The following GSDME variants were observed in gnomAD, a reference collection of about 807,000 sequenced individuals.
GSDME encodes gasdermin E.
GSDME carries 44 observed loss-of-function variants against 47.5 expected under a neutral mutation model. The ratio of observed to expected loss-of-function variants is 0.93; its 90% CI spans 0.73 to 1.19. GSDME has a LOEUF of 1.19. Among genes scored for constraint, GSDME ranks in the 50% most tolerant of loss-of-function variants. The pLI is 0.00. For synonymous variants in GSDME, 258 were observed against 252.8 expected (o/e 1.02, Z -0.20); for missense variants, 663 against 604.2 (o/e 1.10, Z -1.02).
At position 24,712,208 on chromosome 7, in the gene GSDME, C is replaced by T. The variant is rs1284284991; in HGVS notation, c.698-1820G>A. Among the ~76,000 whole-genome samples, 1 of 152,228 alleles carries T rather than the reference C, an allele frequency of 6.6e-6. No individual in the cohort carries two copies. The highest frequency in any genetic ancestry group is 2.4e-5 in the African/African-American group (1 of 41,440). On this transcript the variant is annotated intron_variant, in intron 5 of 9. Coordinates refer to ENST00000645220, the MANE Select transcript of GSDME (RefSeq NM_001127453.2). This position sits in a 1 kb window ranked among gnomAD's most constrained non-coding sequence, Gnocchi z 4.4. ...TGGCCCACACCAGCATTCAGGCTGACCCTACTCCTCCACACTTTGCGCTTA... is the reference window on the plus strand; with the variant it reads ...TGGCCCACACCAGCATTCAGGCTGATCCTACTCCTCCACACTTTGCGCTTA...
At chr7:24,741,783 A>G (rs1053422825) in intron 3 of GSDME, among the ~76,000 whole-genome samples, 2 of 152,182 alleles carry the variant, frequency 1.3e-5, no homozygotes, top group African/African-American at 4.8e-5. Flanking sequence ...GTCCAGAGAC[A>G]GGCAGACAAC....
In GSDME at chr7:24,708,118, A is replaced by G. The variant is rs771911183; in HGVS notation, c.990+9T>C. ...TGAAAACACTGCCTTGAGATGTCTCAGGGCTCACCACTGGTTCCAGGACCA... is the reference window on the plus strand; with the variant it reads ...TGAAAACACTGCCTTGAGATGTCTCGGGGCTCACCACTGGTTCCAGGACCA... On this transcript the variant is annotated intron_variant, in intron 7 of 9. Transcript: ENST00000645220. 56 of 1,614,036 alleles carry G rather than the reference A, an allele frequency of 3.5e-5. No individual in the cohort carries two copies. Among genetic ancestry groups the G allele is most frequent in the Non-Finnish European group, 4.2e-5 (50 of 1,180,016 alleles).
At chr7:24,722,710 G>T (rs1056032910) in intron 3 of GSDME, among the ~76,000 whole-genome samples, 1 of 152,174 alleles carries the variant, frequency 6.6e-6, no homozygotes, top group Non-Finnish European at 1.5e-5. Flanking sequence ...TGTTTGAAAA[G>T]AAAAAGCTCA....
the GSDME span, among the ~76,000 whole-genome samples, chr7:24,794,116 GT>G: frequency 6.6e-6 from 1 of 151,130 alleles, no homozygotes; most frequent in Non-Finnish European, 1.5e-5. Flanking sequence ...AGTGTACACT[GT>G]TTTTTTCTTA....
At chr7:24,731,905 T>G (rs1344712166) in intron 3 of GSDME, among the ~76,000 whole-genome samples, 1 of 152,148 alleles carries the variant, frequency 6.6e-6, no homozygotes, top group Admixed American at 6.5e-5. Flanking sequence ...CACCACAAAT[T>G]GTTTTGATTT....
At chr7:24,701,982 C>G (rs577793318) in intron 9 of GSDME, among the ~76,000 whole-genome samples, 25 of 152,342 alleles carry the variant, frequency 1.6e-4, no homozygotes, top group African/African-American at 6.0e-4. Flanking sequence ...CCAGATCTGA[C>G]AGCAGAGCTC....
At chr7:24,770,715 C>T in the GSDME span, among the ~76,000 whole-genome samples, 3 of 151,028 alleles carry the variant, frequency 2.0e-5, no homozygotes, top group Admixed American at 2.0e-4. The surrounding 1 kb of genome is among the most constrained non-coding windows in gnomAD (Gnocchi z 4.6). Context: ...TATGAAAGAA[C>T]CAAAAAATGC....
intron 5 of GSDME, among the ~76,000 whole-genome samples, chr7:24,713,691 C>T (rs1047761387): frequency 1.3e-5 from 2 of 152,236 alleles, no homozygotes; most frequent in Non-Finnish European, 2.9e-5. Context: ...AGACTGCATT[C>T]TTGGGACAAA....
chr7:24,782,132 A>G, the GSDME span, among the ~76,000 whole-genome samples: 1 of 149,182 alleles, frequency 6.7e-6, no homozygotes, highest in South Asian at 2.1e-4. Context: ...TTTGTTACAT[A>G]TGTTTACATG....
chr7:24,712,705 G>A lies in GSDME; in HGVS notation c.698-2317C>T, dbSNP rs772844320. Among the ~76,000 whole-genome samples, 2 of 152,100 alleles carry A rather than the reference G, an allele frequency of 1.3e-5. No homozygotes were observed. The highest frequency in any genetic ancestry group is 2.9e-5 in the Non-Finnish European group (2 of 68,024). ...TGCTCATCCTAGGTTCATGGCTGAGGCCCCTATCACAACAGACAGATTAAC... is the reference window on the plus strand; with the variant it reads ...TGCTCATCCTAGGTTCATGGCTGAGACCCCTATCACAACAGACAGATTAAC... On this transcript the variant is annotated intron_variant, in intron 5 of 9. Transcript: ENST00000645220. The surrounding 1 kb of genome is among the most constrained non-coding windows in gnomAD (Gnocchi z 4.4).
At chr7:24,704,864 T>G (rs951337774) in intron 8 of GSDME, 12 of 152,150 alleles carry the variant, frequency 7.9e-5, no homozygotes, top group Admixed American at 6.5e-4. Context: ...GCTAATTTAT[T>G]TTTTGTACAG....
rs149237409 is a variant in GSDME at position 24,707,463 on chromosome 7, C to G, written c.990+664G>C. ...ACAGTGCAAAAGCCTATTTATTTCTCTGTTCTAAATGGAACAGGCTGACTT... is the reference window on the plus strand; with the variant it reads ...ACAGTGCAAAAGCCTATTTATTTCTGTGTTCTAAATGGAACAGGCTGACTT... On this transcript the variant is annotated intron_variant, in intron 7 of 9. Transcript: ENST00000645220. The G allele has an allele frequency of 3.3e-4, 154 of 471,274 alleles. No homozygotes were observed. The East Asian group carries it at 9.0e-3, about 28-fold the overall frequency. The allele number at this position is 471,274 out of a possible 1,614,324, so 29.2% of individuals were successfully genotyped here.
chr7:24,708,701 A>T (rs17209487), intron 6 of GSDME, among the ~76,000 whole-genome samples: 5,830 of 152,266 alleles, frequency 0.038, 154 homozygotes, highest in Non-Finnish European at 0.057. Context: ...AGTACATTGC[A>T]GATTTTCTAT....
chr7:24,783,159 T>C, the GSDME span, among the ~76,000 whole-genome samples: 1 of 152,206 alleles, frequency 6.6e-6, no homozygotes, highest in Non-Finnish European at 1.5e-5. Flanking sequence ...TGTCTTAATA[T>C]TTTTTATGGA....
chr7:24,759,953 C>T (rs1791142524), upstream of GSDME, among the ~76,000 whole-genome samples: 1 of 152,144 alleles, frequency 6.6e-6, no homozygotes, highest in Non-Finnish European at 1.5e-5. Flanking sequence ...AACATGGAAA[C>T]TTTTAGCCCA....
chr7:24,785,441 T>C, the GSDME span, among the ~76,000 whole-genome samples: 5 of 152,206 alleles, frequency 3.3e-5, no homozygotes, highest in African/African-American at 1.2e-4. Flanking sequence ...ATTTAGTCCA[T>C]AATTCACTTT....
At chr7:24,774,324 C>T in the GSDME span, among the ~76,000 whole-genome samples, 1 of 94,166 alleles carries the variant, frequency 1.1e-5, no homozygotes, top group Non-Finnish European at 2.1e-5. Flanking sequence ...TTCCTTCTTC[C>T]CTCCCTCCCT....
At chr7:24,707,465 G>A (rs1350620575) in intron 7 of GSDME, 2 of 470,538 alleles carry the variant, frequency 4.3e-6, no homozygotes, top group Non-Finnish European at 8.8e-6. Flanking sequence ...TTATTTCTCT[G>A]TTCTAAATGG....
intron 7 of GSDME, chr7:24,707,813 A>C (rs1203798763): frequency 9.3e-6 from 5 of 535,508 alleles, no homozygotes; most frequent in Non-Finnish European, 1.6e-5. Context: ...ATTCTCTCCT[A>C]GATCCTCTGG....
Sources: allele counts gnomAD v4.1 joint callset (sites outside exome capture counted in the v4.1 genomes callset), GRCh38; gene constraint gnomAD v4.1.1; non-coding constraint Gnocchi (gnomAD v3.1); transcripts MANE v1.5; gene names NCBI Gene and HGNC (gene_info 2026-07-23, HGNC 2026-07-21).